CDH4: variants seen among roughly 807,000 people sequenced by gnomAD.
The protein encoded by CDH4 is cadherin-4.
Under a neutral mutation model 86.0 loss-of-function variants are expected in CDH4, and 33 were observed. The observed-to-expected ratio is 0.38, with a 90% CI of 0.29 to 0.51. The LOEUF (loss-of-function observed/expected upper bound fraction) is 0.51. Among genes scored for constraint, CDH4 ranks in the 20% least tolerant of loss-of-function variants. The pLI, the probability that CDH4 is intolerant of heterozygous loss-of-function variation, is 0.86. For missense variants in CDH4, 1,114 were observed against 1,307.4 expected, an observed-to-expected ratio of 0.85 and a Z score of 2.28; for synonymous variants, 555 against 549.4, an observed-to-expected ratio of 1.01 and a Z score of -0.14.
At chr20:61,609,149 G>C (rs987345782) in intron 2 of CDH4, among the ~76,000 whole-genome samples, 38 of 152,198 alleles carry the variant, frequency 2.5e-4, no homozygotes, top group Admixed American at 6.5e-4. Context: ...GTGCAATCAA[G>C]CCATTATAGG....
chr20:61,299,586 A>C (rs2427055), intron 2 of CDH4, among the ~76,000 whole-genome samples: 145,935 of 152,298 alleles, frequency 0.96, 70,188 homozygotes, highest in East Asian at 1. Flanking sequence ...AAAGGAGGTT[A>C]CTCCTGCTAG....
chr20:61,686,652 T>G (rs2087581092), intron 2 of CDH4, among the ~76,000 whole-genome samples: 1 of 151,704 alleles, frequency 6.6e-6, no homozygotes, highest in South Asian at 2.1e-4. Context: ...CATTCGCGTG[T>G]GTGCATTCGC....
At chr20:61,529,303 G>T (rs1229338950) in intron 2 of CDH4, among the ~76,000 whole-genome samples, 1 of 152,172 alleles carries the variant, frequency 6.6e-6, no homozygotes, top group African/African-American at 2.4e-5. Flanking sequence ...CCAGTGAATT[G>T]TAATAAATGG....
intron 2 of CDH4, among the ~76,000 whole-genome samples, chr20:61,336,488 C>T (rs1218693770): frequency 6.6e-6 from 1 of 152,136 alleles, no homozygotes; most frequent in Non-Finnish European, 1.5e-5. Context: ...TGTTCCTCAG[C>T]ACAATACCTA....
At chr20:61,354,965 G>A (rs558837052) in intron 2 of CDH4, among the ~76,000 whole-genome samples, 28 of 152,254 alleles carry the variant, frequency 1.8e-4, no homozygotes, top group African/African-American at 5.5e-4. Context: ...TTGGAATGGC[G>A]CATTAACATT....
At chr20:61,426,155 T>C (rs1452209826) in intron 2 of CDH4, among the ~76,000 whole-genome samples, 1 of 152,204 alleles carries the variant, frequency 6.6e-6, no homozygotes, top group Non-Finnish European at 1.5e-5. Context: ...GAAGAGTATG[T>C]GATGTATTCA....
Position 61,517,704 on chromosome 20 carries a change from G to T in CDH4, c.170-225859G>T, listed in dbSNP as rs146878092. On this transcript the variant is annotated intron_variant, in intron 2 of 15. Transcript: ENST00000614565. The surrounding 1 kb of genome is among the most constrained non-coding windows in gnomAD (Gnocchi z 6.6). ...AATGAACAAGGAGGGGTTGTCGGAC[G>T]TGTTCAGGACAGGAACAGCACACTC... Among the ~76,000 whole-genome samples the T allele has an allele frequency of 6.6e-6, 1 of 152,140 alleles. No homozygotes were observed. The highest frequency in any genetic ancestry group is 2.4e-5 in the African/African-American group (1 of 41,416).
chr20:61,908,661 TGTG>T (rs3842440), intron 8 of CDH4, among the ~76,000 whole-genome samples: 15,520 of 152,096 alleles, frequency 0.1, 1,779 homozygotes, highest in East Asian at 0.43. Flanking sequence ...TCTTTGGGCT[TGTG>T]GTGGCCGTGG....
chr20:61,594,360 C>G (rs1420222615), intron 2 of CDH4, among the ~76,000 whole-genome samples: 5 of 152,036 alleles, frequency 3.3e-5, no homozygotes, highest in African/African-American at 1.2e-4. Context: ...CACTGTTGCC[C>G]TAGATGCGGA....
chr20:61,734,525 G>A (rs74465769), intron 2 of CDH4, among the ~76,000 whole-genome samples: 1,597 of 152,354 alleles, frequency 0.01, 22 homozygotes, highest in African/African-American at 0.036. Context: ...AGCCCCAGAC[G>A]GGGAGGGACG....
chr20:61,311,004 G>A (rs188721742), intron 2 of CDH4, among the ~76,000 whole-genome samples: 5 of 152,258 alleles, frequency 3.3e-5, no homozygotes, highest in Admixed American at 1.3e-4. Flanking sequence ...CAGCCCTAAC[G>A]CTTCCCAAGG....
At chr20:61,886,533 C>G (rs2146174415) in intron 7 of CDH4, among the ~76,000 whole-genome samples, 1 of 152,258 alleles carries the variant, frequency 6.6e-6, no homozygotes, top group Middle Eastern at 3.4e-3. Flanking sequence ...AGCATGCATC[C>G]AGCAGGGCAC....
At chr20:61,355,474 G>A (rs986680718) in intron 2 of CDH4, among the ~76,000 whole-genome samples, 8 of 152,188 alleles carry the variant, frequency 5.3e-5, no homozygotes, top group South Asian at 2.1e-4. Flanking sequence ...CAAGACAAAC[G>A]TGAAAGATGA....
chr20:61,383,880 T>A lies in CDH4; in HGVS notation c.169+128943T>A, dbSNP rs190819552. Among the ~76,000 whole-genome samples, 26 of 150,354 alleles carry A rather than the reference T, an allele frequency of 1.7e-4. No homozygotes were observed. The East Asian group carries it at 4.5e-3, about 26-fold the overall frequency. On this transcript the variant is annotated intron_variant, in intron 2 of 15. Coordinates refer to ENST00000614565, the MANE Select transcript of CDH4 (RefSeq NM_001794.5). Reference sequence around the variant, plus strand: ...ATATATATGCGTATATATGAAGATATATGAATATGTATGAGTTTATTAAGT... The same window carrying A: ...ATATATATGCGTATATATGAAGATAAATGAATATGTATGAGTTTATTAAGT...
At chr20:61,507,861 G>A (rs1048268506) in intron 2 of CDH4, among the ~76,000 whole-genome samples, 37 of 152,146 alleles carry the variant, frequency 2.4e-4, no homozygotes, top group African/African-American at 8.4e-4. Flanking sequence ...GAGGAAACAG[G>A]GCAGGATCGC....
chr20:61,613,148 CAG>C lies in CDH4; in HGVS notation c.170-130414_170-130413del, dbSNP rs371451462. 2.4e-3 allele frequency among the ~76,000 whole-genome samples: 362 copies of C among 152,180 alleles called. 2 individuals are homozygous for C. Among genetic ancestry groups the C allele is most frequent in the African/African-American group, 7.9e-3 (326 of 41,460 alleles). On this transcript the variant is annotated intron_variant, in intron 2 of 15. Coordinates refer to ENST00000614565, the MANE Select transcript of CDH4 (RefSeq NM_001794.5). ...CCTCCACAAGTTTCCTCGGAAAAAA[CAG>C]GGGCTTTTCTTCTTCTCCTGCCCCC...
At chr20:61,366,079 C>T (rs1462027181) in intron 2 of CDH4, among the ~76,000 whole-genome samples, 2 of 152,192 alleles carry the variant, frequency 1.3e-5, no homozygotes, top group African/African-American at 4.8e-5. Flanking sequence ...CCAGTGGTGG[C>T]CGGCCAGCCG....
At chr20:61,451,701 G>A (rs529088287) in intron 2 of CDH4, among the ~76,000 whole-genome samples, 6 of 152,144 alleles carry the variant, frequency 3.9e-5, no homozygotes, top group Admixed American at 1.3e-4. Flanking sequence ...GAGGAGAGGG[G>A]AAGGAGGAGG....
chr20:61,755,837 C>A (rs755979625), intron 3 of CDH4, among the ~76,000 whole-genome samples: 3 of 152,184 alleles, frequency 2.0e-5, no homozygotes, highest in African/African-American at 7.2e-5. Context: ...TACACACGTG[C>A]GGCTACATGA....
Sources: allele counts gnomAD v4.1 joint callset (sites outside exome capture counted in the v4.1 genomes callset), GRCh38; gene constraint gnomAD v4.1.1; non-coding constraint Gnocchi (gnomAD v3.1); transcripts MANE v1.5; gene names NCBI Gene and HGNC (gene_info 2026-07-23, HGNC 2026-07-21).